Variants in WWOX observed in about 807,000 individuals in gnomAD.
The protein encoded by WWOX is WW domain containing oxidoreductase.
Under a neutral mutation model 46.2 loss-of-function variants are expected in WWOX, and 69 were observed. The ratio of observed to expected loss-of-function variants is 1.49; its 90% CI spans 1.23 to 1.82. The LOEUF (loss-of-function observed/expected upper bound fraction) is 1.82, where lower values mean the gene tolerates loss of function less well. Ranked by LOEUF, WWOX falls within the 40% of genes most tolerant of loss-of-function variation. WWOX has a pLI of 0.00. For synonymous variants in WWOX, 359 were observed against 202.6 expected, an observed-to-expected ratio of 1.77 and a Z score of -6.56; for missense variants, 919 against 542.6, an observed-to-expected ratio of 1.69 and a Z score of -6.89.
intron 6 of WWOX, among the ~76,000 whole-genome samples, chr16:78,412,149 C>T (rs1428075110): frequency 6.6e-6 from 1 of 152,032 alleles, no homozygotes. Context: ...TCCTAATGAG[C>T]CTAGAGATAC....
In WWOX at chr16:78,769,555, T is replaced by G. The variant is rs1166926411; in HGVS notation, c.1056+336803T>G. Reference sequence around the variant, plus strand: ...ATTATTTATTTATTTATTTATTTATTTATTTATTTATTTATTTATTTATTT... The same window carrying G: ...ATTATTTATTTATTTATTTATTTATGTATTTATTTATTTATTTATTTATTT... On this transcript the variant is annotated intron_variant, in intron 8 of 8. Transcript: ENST00000566780. Among the ~76,000 whole-genome samples, 3 of 142,066 alleles carry G rather than the reference T, an allele frequency of 2.1e-5. No homozygotes were observed. The East Asian group carries it at 6.1e-4, about 29-fold the overall frequency. The allele number at this position is 142,066 out of a possible 152,430, so 93.2% of individuals were successfully genotyped here.
At chr16:78,193,799 G>A (rs1402831892) in intron 5 of WWOX, among the ~76,000 whole-genome samples, 1 of 150,708 alleles carries the variant, frequency 6.6e-6, no homozygotes, top group Non-Finnish European at 1.5e-5. Flanking sequence ...ATATCCTTTT[G>A]AAACTTAATT....
intron 8 of WWOX, among the ~76,000 whole-genome samples, chr16:78,441,922 T>G (rs2083453174): frequency 6.6e-6 from 1 of 151,472 alleles, no homozygotes; most frequent in Non-Finnish European, 1.5e-5. Context: ...CCAGCTTTAC[T>G]GAGGTATGAG....
chr16:78,711,299 A>G (rs1209397036), intron 8 of WWOX, among the ~76,000 whole-genome samples: 1 of 152,230 alleles, frequency 6.6e-6, no homozygotes. Flanking sequence ...CCTTTTGAAG[A>G]CATTTACTAT....
intron 5 of WWOX, among the ~76,000 whole-genome samples, chr16:78,206,584 T>G (rs1192440281): frequency 6.6e-6 from 1 of 152,178 alleles, no homozygotes; most frequent in Non-Finnish European, 1.5e-5. Flanking sequence ...CATCAAAAAT[T>G]TAGAATTTCA....
At chr16:79,141,615 C>T (rs2050090348) in intron 8 of WWOX, among the ~76,000 whole-genome samples, 1 of 152,194 alleles carries the variant, frequency 6.6e-6, no homozygotes, top group South Asian at 2.1e-4. Context: ...AAATGTCCTC[C>T]AAAGAAGTTT....
chr16:79,039,207 A>G (rs1885818559), intron 8 of WWOX, among the ~76,000 whole-genome samples: 1 of 152,096 alleles, frequency 6.6e-6, no homozygotes, highest in African/African-American at 2.4e-5. Flanking sequence ...TTTGCGTTGC[A>G]GTTTTGTTCA....
intron 8 of WWOX, among the ~76,000 whole-genome samples, chr16:78,930,332 C>T (rs966693075): frequency 2.1e-5 from 3 of 143,104 alleles, no homozygotes; most frequent in Non-Finnish European, 4.6e-5. Flanking sequence ...GACTGGAGTG[C>T]AGTGGCACAT....
intron 8 of WWOX, 50 bp downstream of exon 8, chr16:78,432,802 C>G (rs775176824): frequency 6.2e-7 from 1 of 1,613,350 alleles, no homozygotes; most frequent in South Asian, 1.1e-5. Flanking sequence ...CTAGAGAAAC[C>G]TGCACACTTG....
chr16:78,865,860 T>C (rs930496824), intron 8 of WWOX, among the ~76,000 whole-genome samples: 2 of 152,204 alleles, frequency 1.3e-5, no homozygotes, highest in Admixed American at 1.3e-4. Flanking sequence ...GCCTGGGCGA[T>C]GAGTGAAACT....
chr16:78,921,494 C>T (rs1010474897), intron 8 of WWOX, among the ~76,000 whole-genome samples: 1 of 152,094 alleles, frequency 6.6e-6, no homozygotes, highest in African/African-American at 2.4e-5. Context: ...AAAGAGATTG[C>T]CATTTTCAAA....
At chr16:78,990,972 A>G (rs1453816223) in intron 8 of WWOX, among the ~76,000 whole-genome samples, 1 of 152,260 alleles carries the variant, frequency 6.6e-6, no homozygotes, top group Non-Finnish European at 1.5e-5. Flanking sequence ...TCTTCAGACC[A>G]AAACCCTGGC....
chr16:78,257,646 G>T (rs1385444863), intron 5 of WWOX, among the ~76,000 whole-genome samples: 1 of 151,940 alleles, frequency 6.6e-6, no homozygotes, highest in South Asian at 2.1e-4. Flanking sequence ...TACCGCAGCG[G>T]TTTTTTCCAT....
intron 8 of WWOX, among the ~76,000 whole-genome samples, chr16:78,829,554 A>G (rs1567589500): frequency 1.3e-5 from 2 of 149,270 alleles, no homozygotes; most frequent in Non-Finnish European, 3.0e-5. Flanking sequence ...GACACCTACA[A>G]TTTTTTTTTT....
intron 8 of WWOX, among the ~76,000 whole-genome samples, chr16:78,543,495 C>T (rs1264303305): frequency 6.6e-6 from 1 of 152,242 alleles, no homozygotes; most frequent in Non-Finnish European, 1.5e-5. Flanking sequence ...GTCATTGCAG[C>T]TTCCACCCAT....
chr16:78,405,001 G>C (rs1480125404), intron 6 of WWOX, among the ~76,000 whole-genome samples: 1 of 152,198 alleles, frequency 6.6e-6, no homozygotes, highest in Admixed American at 6.5e-5. Context: ...ATCTTGGAGA[G>C]CATGTGGATG....
rs113799607 is a variant in WWOX at position 79,169,763 on chromosome 16, C to G, written c.1057-41845C>G. ...CCAGTGCCCAACCTTGCCACAGCCT[C>G]CTTTTGTCACTCTAGGGACTACCCT... On this transcript the variant is annotated intron_variant, in intron 8 of 8. Coordinates refer to ENST00000566780, the MANE Select transcript of WWOX (RefSeq NM_016373.4). 9.3e-3 allele frequency among the ~76,000 whole-genome samples: 1,423 copies of G among 152,286 alleles called. 10 individuals are homozygous for G. Among genetic ancestry groups the G allele is most frequent in the South Asian group, 0.015 (74 of 4,826 alleles).
rs372048079 is a variant in WWOX at position 78,618,754 on chromosome 16, C to G, written c.1056+186002C>G. On this transcript the variant is annotated intron_variant, in intron 8 of 8. Transcript: ENST00000566780. Reference sequence around the variant, plus strand: ...GACTCATGAGAGAATTCCCCACTGTCTTCCCCACCTGAGACCTGAGAGGAG... The same window carrying G: ...GACTCATGAGAGAATTCCCCACTGTGTTCCCCACCTGAGACCTGAGAGGAG... 3.4e-4 allele frequency among the ~76,000 whole-genome samples: 51 copies of G among 152,054 alleles called. 1 individual carries two copies. Among genetic ancestry groups the G allele is most frequent in the African/African-American group, 1.1e-3 (47 of 41,498 alleles).
In WWOX at chr16:78,635,387, C is replaced by T. The variant is rs546586690; in HGVS notation, c.1056+202635C>T. ...GATCCTGATTAGGGGACCTCTGCGA[C>T]TGCTCATCTGGGAGGAACTAGGGGA... On this transcript the variant is annotated intron_variant, in intron 8 of 8. Transcript: ENST00000566780. Among the ~76,000 whole-genome samples the T allele has an allele frequency of 2.0e-5, 3 of 152,304 alleles. No individual in the cohort carries two copies. In the South Asian group the frequency reaches 6.2e-4, roughly 32 times the overall value.
Sources: allele counts gnomAD v4.1 joint callset (sites outside exome capture counted in the v4.1 genomes callset), GRCh38; gene constraint gnomAD v4.1.1; transcripts MANE v1.5; gene names NCBI Gene and HGNC (gene_info 2026-07-23, HGNC 2026-07-21).